CNTN4: variants seen among roughly 807,000 people sequenced by gnomAD.
CNTN4 encodes contactin 4.
In CNTN4, 77 loss-of-function variants were observed where a neutral mutation model predicts 122.5. The ratio of observed to expected loss-of-function variants is 0.63; its 90% CI spans 0.52 to 0.76. CNTN4 has a LOEUF of 0.76. Ranked by LOEUF, CNTN4 falls within the 30% of genes least tolerant of loss-of-function variation. The pLI is 0.00. For synonymous variants in CNTN4, 512 were observed against 447.0 expected (o/e 1.15, Z -1.83); for missense variants, 1,256 against 1,259.1 (o/e 1.00, Z 0.04).
chr3:2,440,278 T>C (rs1044957730), intron 3 of CNTN4, among the ~76,000 whole-genome samples: 2 of 152,206 alleles, frequency 1.3e-5, no homozygotes, highest in Non-Finnish European at 2.9e-5. Flanking sequence ...AGATCACTTT[T>C]TAGTTTCATA....
rs150578983 is a variant in CNTN4 at position 2,657,537 on chromosome 3, A to C, written c.56-78678A>C. 1.6e-3 allele frequency among the ~76,000 whole-genome samples: 246 copies of C among 152,328 alleles called. 4 individuals carry two copies. Among genetic ancestry groups the C allele is most frequent in the African/African-American group, 5.6e-3 (233 of 41,576 alleles). On this transcript the variant is annotated intron_variant, in intron 4 of 24. Transcript: ENST00000418658. ...GCGTTTGTGAATTGAAAGTTGGATC[A>C]GCTGCATGAAAACAAGATGGGACTA... is the stretch of plus-strand genomic sequence containing the variant.
rs147467889 is a variant in CNTN4, at chr3:2,374,753, C to G, written c.-89+35520C>G. 1.6e-4 allele frequency among the ~76,000 whole-genome samples: 25 copies of G among 152,238 alleles called. No homozygotes were observed. In the East Asian group the frequency reaches 4.8e-3, roughly 29 times the overall value. Reference sequence around the variant, plus strand: ...CGAGGAAATTAAAAAGTATTGAATTCCAAAACTATCACAAATACAGAAAAT... The same window carrying G: ...CGAGGAAATTAAAAAGTATTGAATTGCAAAACTATCACAAATACAGAAAAT... On this transcript the variant is annotated intron_variant, in intron 3 of 24. Coordinates refer to ENST00000418658, the MANE Select transcript of CNTN4 (RefSeq NM_175607.3).
chr3:2,540,781 ATAAAG>A (rs1192885243), intron 3 of CNTN4, among the ~76,000 whole-genome samples: 1 of 152,148 alleles, frequency 6.6e-6, no homozygotes, highest in Admixed American at 6.6e-5. Context: ...TCCAAGGTTT[ATAAAG>A]TAGTTTAAAT....
rs1559415182 is a variant in CNTN4, at chr3:2,287,638, A to AGAAGG, written c.-144-51540_-144-51539insGAAGG. Among the ~76,000 whole-genome samples the AGAAGG allele has an allele frequency of 1.8e-3, 110 of 60,798 alleles. 2 individuals are homozygous for AGAAGG. Among genetic ancestry groups the AGAAGG allele is most frequent in the South Asian group, 6.0e-3 (8 of 1,324 alleles). The allele number at this position is 60,798 out of a possible 152,430, so 39.9% of individuals were successfully genotyped here. A position where few individuals can be genotyped will look rare whatever the true frequency, so the allele number is the denominator to read the frequency against. ...GGAGAAGGAGAAGGAGAAGGAGAAG[A>AGAAGG]AGAAGAAGAAGAAGAAGAAGAAGAA... On this transcript the variant is annotated intron_variant, in intron 2 of 24. Coordinates refer to ENST00000418658, the MANE Select transcript of CNTN4 (RefSeq NM_175607.3).
At chr3:3,033,792 C>A (rs1699379011) in intron 16 of CNTN4, among the ~76,000 whole-genome samples, 1 of 152,196 alleles carries the variant, frequency 6.6e-6, no homozygotes, top group African/African-American at 2.4e-5. Flanking sequence ...TCTTTACCTG[C>A]CAGCTGCTTT....
At chr3:2,767,343 G>T (rs1476233817) in intron 6 of CNTN4, among the ~76,000 whole-genome samples, 1 of 152,140 alleles carries the variant, frequency 6.6e-6, no homozygotes, top group Non-Finnish European at 1.5e-5. Context: ...GCACCCTTTT[G>T]ATCAGAGGTA....
At chr3:2,627,557 A>G (rs141556854) in intron 4 of CNTN4, among the ~76,000 whole-genome samples, 82 of 145,408 alleles carry the variant, frequency 5.6e-4, no homozygotes, top group African/African-American at 9.5e-4. Context: ...GTAGTAGCGC[A>G]ATCTCGGCTC....
intron 2 of CNTN4, among the ~76,000 whole-genome samples, chr3:2,240,012 A>G (rs1422644612): frequency 6.6e-6 from 1 of 152,190 alleles, no homozygotes; most frequent in Non-Finnish European, 1.5e-5. Context: ...GAAGAGCATT[A>G]AAATATCTGT....
chr3:2,695,858 G>A (rs1429471397), intron 4 of CNTN4, among the ~76,000 whole-genome samples: 1 of 152,156 alleles, frequency 6.6e-6, no homozygotes, highest in Non-Finnish European at 1.5e-5. Context: ...TTTTCCAAGA[G>A]AAGAATGATA....
At chr3:2,725,654 A>G (rs1383165556) in intron 4 of CNTN4, among the ~76,000 whole-genome samples, 1 of 152,126 alleles carries the variant, frequency 6.6e-6, no homozygotes, top group East Asian at 1.9e-4. Context: ...AAATACCAGA[A>G]GGGGTACAGT....
chr3:2,446,159 C>T (rs2048618448), intron 3 of CNTN4, among the ~76,000 whole-genome samples: 1 of 152,140 alleles, frequency 6.6e-6, no homozygotes, highest in African/African-American at 2.4e-5. Context: ...TCCCCTTAAC[C>T]TTGGAGAGAC....
chr3:2,774,607 T>G (rs2091241674), intron 6 of CNTN4, among the ~76,000 whole-genome samples: 1 of 152,118 alleles, frequency 6.6e-6, no homozygotes, highest in African/African-American at 2.4e-5. Context: ...TTGGAAAACC[T>G]TCAAGAATAG....
At chr3:2,401,325 T>C (rs541528114) in intron 3 of CNTN4, among the ~76,000 whole-genome samples, 9 of 152,260 alleles carry the variant, frequency 5.9e-5, no homozygotes, top group African/African-American at 1.7e-4. Context: ...GTCTCCTGAC[T>C]TCTTGTATAA....
chr3:2,791,192 G>T (rs1207611401), intron 6 of CNTN4, among the ~76,000 whole-genome samples: 3 of 152,104 alleles, frequency 2.0e-5, no homozygotes, highest in Admixed American at 2.0e-4. Context: ...AATAATGGTG[G>T]TATTATTGTT....
chr3:2,359,006 T>A (rs1305339828), intron 3 of CNTN4, among the ~76,000 whole-genome samples: 1 of 152,220 alleles, frequency 6.6e-6, no homozygotes, highest in Non-Finnish European at 1.5e-5. Context: ...CTGGTAGATT[T>A]ATAAATATGT....
At chr3:2,951,953 T>A (rs2094749941) in intron 13 of CNTN4, among the ~76,000 whole-genome samples, 1 of 152,200 alleles carries the variant, frequency 6.6e-6, no homozygotes, top group African/African-American at 2.4e-5. Context: ...CTTTACAGAC[T>A]GAACATCAGC....
chr3:2,271,030 C>A (rs577267702), intron 2 of CNTN4, among the ~76,000 whole-genome samples: 1 of 152,084 alleles, frequency 6.6e-6, no homozygotes. Context: ...AACTTAGGGA[C>A]CTCTCTGCTT....
chr3:2,552,466 C>G (rs2078549636), intron 3 of CNTN4, among the ~76,000 whole-genome samples: 2 of 152,144 alleles, frequency 1.3e-5, no homozygotes. Flanking sequence ...AAATGCTCAT[C>G]ATGTTGTGGG....
chr3:2,983,679 G>A (rs1694273782), intron 13 of CNTN4, among the ~76,000 whole-genome samples: 1 of 152,218 alleles, frequency 6.6e-6, no homozygotes, highest in Non-Finnish European at 1.5e-5. Flanking sequence ...GTTACAGAGA[G>A]ATTAACTTTC....
Sources: gnomAD v4.1 joint callset for allele counts (sites outside exome capture counted in the v4.1 genomes callset) on GRCh38, gnomAD v4.1.1 for gene constraint, MANE v1.5 for transcripts, NCBI Gene and HGNC (gene_info 2026-07-23, HGNC 2026-07-21) for gene names.